The following CDON variants were observed in gnomAD, a reference collection of about 807,000 sequenced individuals.
CDON encodes cell adhesion associated, oncogene regulated.
CDON carries 73 observed loss-of-function variants against 120.9 expected under a neutral mutation model. That is an observed-to-expected ratio of 0.60 (90% CI 0.50 to 0.73). The LOEUF is 0.73. Among genes scored for constraint, CDON ranks in the 30% least tolerant of loss-of-function variants. CDON has a pLI of 0.00. For synonymous variants in CDON, 566 were observed against 573.5 expected (o/e 0.99, Z 0.19); for missense variants, 1,470 against 1,587.3 (o/e 0.93, Z 1.26).
At chr11:126,015,641 C>T in intron 6 of CDON, 131 bp from the exon 7 acceptor site, 1 of 945,814 alleles carries the variant, frequency 1.1e-6, no homozygotes, top group African/African-American at 1.6e-5. Flanking sequence ...TCACATTCTT[C>T]TGTCTGCTGT....
rs139323558 is a variant in CDON at position 126,001,806 on chromosome 11, C to A, written c.2071G>T (p.Val691Leu). Residue 691 changes from valine to leucine, a missense_variant, in exon 11 of 20, where the codon GTG becomes TTG. Transcript: ENST00000531738. ...SKNTQASSPP[V>L]GIPKYPVVSE... Reference sequence around the variant, plus strand: ...ACAACGGGATACTTAGGGATGCCCACGGGTGGAGAGGATGCCTGGGTGTTT... The same window carrying A: ...ACAACGGGATACTTAGGGATGCCCAAGGGTGGAGAGGATGCCTGGGTGTTT... The A allele has an allele frequency of 1.3e-5, 21 of 1,610,834 alleles. No homozygotes were observed. Among genetic ancestry groups the A allele is most frequent in the Admixed American group, 1.7e-5 (1 of 59,990 alleles).
At position 126,015,281 on chromosome 11, in the gene CDON, A is replaced by C. The variant is rs1481847684; in HGVS notation, c.1158T>G (p.Ile386Met). The C allele has an allele frequency of 1.2e-6, 2 of 1,614,040 alleles. No individual in the cohort carries two copies. Among genetic ancestry groups the C allele is most frequent in the Admixed American group, 1.7e-5 (1 of 60,006 alleles). ...GTCTTCCAGTAGAGTGCATAAATCCAATCCCATTATCTGCTACACACTGAT... is the reference window on the plus strand; with the variant it reads ...GTCTTCCAGTAGAGTGCATAAATCCCATCCCATTATCTGCTACACACTGAT... ...GMYQCVADNGIGFMHSTGRLE... is the reference protein window; with the variant it reads ...GMYQCVADNGMGFMHSTGRLE... Residue 386 changes from isoleucine to methionine, a missense_variant, in exon 7 of 20, where the codon ATT (isoleucine) becomes ATG (methionine). Coordinates refer to ENST00000531738, the MANE Select transcript of CDON (RefSeq NM_001378964.1).
At chr11:125,978,266 T>C (rs930998453) in intron 18 of CDON, 38 bp downstream of exon 18, 2 of 1,152,330 alleles carry the variant, frequency 1.7e-6, no homozygotes, top group Admixed American at 1.8e-5. Flanking sequence ...GCATATGCCT[T>C]ATTCACAACA....
chr11:126,021,815 A>T (rs1049042697), intron 2 of CDON, among the ~76,000 whole-genome samples: 4 of 152,180 alleles, frequency 2.6e-5, no homozygotes, highest in African/African-American at 9.7e-5. Context: ...AAGAAATAGC[A>T]AAGTGCAGCT....
chr11:126,015,632 C>T, intron 6 of CDON, 122 bp from the exon 7 acceptor site: 2 of 1,019,148 alleles, frequency 2.0e-6, no homozygotes, highest in East Asian at 2.6e-5. Context: ...ATTGTTTATT[C>T]ACATTCTTCT....
chr11:126,007,215 G>T (rs967627909), intron 8 of CDON, among the ~76,000 whole-genome samples: 2 of 152,162 alleles, frequency 1.3e-5, no homozygotes, highest in Admixed American at 1.3e-4. Context: ...TAAAAGATGG[G>T]TGTGTTTTTG....
chr11:126,011,014 G>A (rs1251448307), intron 7 of CDON: 3 of 425,226 alleles, frequency 7.1e-6, no homozygotes, highest in Admixed American at 6.0e-5. Context: ...GAACATATAA[G>A]GTTGAAACCT....
At chr11:125,976,600 C>T (rs1392908570) in intron 18 of CDON, among the ~76,000 whole-genome samples, 2 of 100,680 alleles carry the variant, frequency 2.0e-5, no homozygotes, top group Non-Finnish European at 4.1e-5. Flanking sequence ...CATACACACA[C>T]ATGCACACAC....
At chr11:125,994,779 T>TA in intron 13 of CDON, 92 bp downstream of exon 13, 1 of 1,139,388 alleles carries the variant, frequency 8.8e-7, no homozygotes, top group Non-Finnish European at 1.3e-6. Context: ...AAGTTCAAAA[T>TA]TTGCTGTTTA....
At chr11:125,986,305 G>A (rs1357010477) in intron 15 of CDON, among the ~76,000 whole-genome samples, 1 of 152,144 alleles carries the variant, frequency 6.6e-6, no homozygotes. Flanking sequence ...CATGGGGGGA[G>A]GGGATGTGGG....
chr11:126,003,472 G>T (rs1430466682), intron 10 of CDON, among the ~76,000 whole-genome samples: 1 of 152,150 alleles, frequency 6.6e-6, no homozygotes, highest in Admixed American at 6.5e-5. Flanking sequence ...AAAATGGAAG[G>T]GGGAGGCTAT....
In CDON at chr11:125,957,855, C is replaced by T. The variant is rs1450824634; in HGVS notation, c.*3087G>A. On this transcript the variant is annotated 3_prime_UTR_variant, in exon 20 of 20. Coordinates refer to ENST00000531738, the MANE Select transcript of CDON (RefSeq NM_001378964.1). ...CTGTCACCAGACTGTCAGTGCAAAA[C>T]TGAAAGAAAAACATTAAAAGGAGAT... 2 of 152,050 alleles carry T rather than the reference C, an allele frequency of 1.3e-5. No individual in the cohort carries two copies. The highest frequency in any genetic ancestry group is 2.9e-5 in the Non-Finnish European group (2 of 68,020). The allele number at this position is 152,050 out of a possible 1,614,324, so 9.4% of individuals were successfully genotyped here. A position where few individuals can be genotyped will look rare whatever the true frequency, so the allele number is the denominator to read the frequency against.
At chr11:125,989,857 C>CTGA in intron 14 of CDON, 98 bp from the exon 15 acceptor site, 2 of 1,067,004 alleles carry the variant, frequency 1.9e-6, no homozygotes, top group Non-Finnish European at 2.8e-6. Flanking sequence ...GAGCAGCATC[C>CTGA]ACTACCATCC....
At chr11:125,986,723 C>T (rs1453476942) in intron 15 of CDON, among the ~76,000 whole-genome samples, 2 of 151,832 alleles carry the variant, frequency 1.3e-5, no homozygotes, top group Non-Finnish European at 2.9e-5. Context: ...CAAGATCACA[C>T]CACTGCACTC....
chr11:125,975,931 A>C (rs1946138431), intron 18 of CDON, among the ~76,000 whole-genome samples: 1 of 152,206 alleles, frequency 6.6e-6, no homozygotes, highest in South Asian at 2.1e-4. Flanking sequence ...ACAGCCAAAA[A>C]TCATATGAGG....
rs377698156 is a variant in CDON, at chr11:126,017,096, T to C, written c.920A>G (p.Asn307Ser). ...AAAAACTAACATCTTACCAAGTACA[T>C]TAACCATGTAAGTCACATATTTTAC... ...GDVKYVTYMV[N>S]VLEHASISKG... Residue 307 changes from asparagine (N) to serine (S), a missense_variant, in exon 6 of 20, where the codon AAT becomes AGT. Transcript: ENST00000531738. The C allele has an allele frequency of 3.1e-6, 5 of 1,613,946 alleles. No homozygotes were observed. Among genetic ancestry groups the C allele is most frequent in the Admixed American group, 3.3e-5 (2 of 60,002 alleles).
intron 17 of CDON, 62 bp downstream of exon 17, chr11:125,980,987 C>T (rs1361493568): frequency 1.2e-5 from 18 of 1,540,782 alleles, no homozygotes; most frequent in Non-Finnish European, 1.6e-5. Context: ...CATGCTGTCC[C>T]TGTTCTAGTA....
intron 1 of CDON, among the ~76,000 whole-genome samples, chr11:126,030,237 A>G (rs1282947111): frequency 1.3e-5 from 2 of 152,228 alleles, no homozygotes; most frequent in East Asian, 1.9e-4. Context: ...TACTTAACTT[A>G]TTGTTCAGGT....
At chr11:126,031,479 C>T (rs540109906) in intron 1 of CDON, among the ~76,000 whole-genome samples, 1 of 152,142 alleles carries the variant, frequency 6.6e-6, no homozygotes, top group Admixed American at 6.5e-5. Flanking sequence ...TATATAATAC[C>T]ACAGTTTTTA....
Sources: gnomAD v4.1 joint callset for allele counts (sites outside exome capture counted in the v4.1 genomes callset) on GRCh38, gnomAD v4.1.1 for gene constraint, MANE v1.5 for transcripts, NCBI Gene and HGNC (gene_info 2026-07-23, HGNC 2026-07-21) for gene names.